The following DMD variants were observed in gnomAD, a reference collection of about 807,000 sequenced individuals.
DMD encodes mutant dystrophin.
Under a neutral mutation model 330.1 loss-of-function variants are expected in DMD, and 63 were observed. That is an observed-to-expected ratio of 0.19 (90% CI 0.16 to 0.24). The LOEUF is 0.24. Among genes scored for constraint, DMD ranks in the 10% least tolerant of loss-of-function variants. DMD has a pLI of 1.00. For missense variants in DMD, 3,344 were observed against 2,684.1 expected (o/e 1.25, Z -5.43); for synonymous variants, 1,223 against 959.8 (o/e 1.27, Z -5.07).
intron 12 of DMD, among the ~76,000 whole-genome samples, chrX:32,600,639 AAAC>A (rs1569284722): frequency 1.8e-5 from 2 of 108,308 alleles, no homozygotes; most frequent in African/African-American, 6.8e-5. Context: ...ACACCCCTAG[AAAC>A]AACACAGAAC....
intron 41 of DMD, among the ~76,000 whole-genome samples, chrX:32,314,229 C>G (rs1179145310): frequency 9.0e-6 from 1 of 111,573 alleles, no homozygotes; most frequent in Non-Finnish European, 1.9e-5. Flanking sequence ...ACAGAGGCCT[C>G]AGAAATATCA....
intron 55 of DMD, among the ~76,000 whole-genome samples, chrX:31,586,927 C>A (rs1360842164): frequency 8.9e-6 from 1 of 111,755 alleles, no homozygotes; most frequent in African/African-American, 3.2e-5. Flanking sequence ...TTTGCAATTA[C>A]AAAAGAAATG....
rs1164455432 is a variant in DMD, at chrX:31,469,266, T to C, written c.8937+8840A>G. On this transcript the variant is annotated intron_variant, in intron 59 of 78. Coordinates refer to ENST00000357033, the MANE Select transcript of DMD (RefSeq NM_004006.3). ...TTGATGCAGTTTCTTCATAGTGTGA[T>C]GGTCTTTACAATTTGTTATGTTTTT... Among the ~76,000 whole-genome samples, 3 of 111,843 alleles carry C rather than the reference T, an allele frequency of 2.7e-5. No homozygotes were observed. The Admixed American group carries it at 2.8e-4, about 11-fold the overall frequency.
At chrX:32,135,481 G>A (rs11095223) in intron 44 of DMD, among the ~76,000 whole-genome samples, 19,315 of 111,749 alleles carry the variant, frequency 0.17, 1,613 homozygotes, top group Admixed American at 0.35. Context: ...CTGTAATCTC[G>A]GCATTTTGGG....
chrX:31,814,309 G>A (rs1191218573), intron 50 of DMD, among the ~76,000 whole-genome samples: 6 of 106,092 alleles, frequency 5.7e-5, no homozygotes, highest in Non-Finnish European at 7.7e-5. Flanking sequence ...GTGAAACCCC[G>A]TCTCTACTAA....
chrX:32,051,711 C>T (rs1292411236), intron 44 of DMD, among the ~76,000 whole-genome samples: 1 of 111,015 alleles, frequency 9.0e-6, no homozygotes, highest in Non-Finnish European at 1.9e-5. Context: ...TGCTTATTCA[C>T]ATAATCAAGG....
At position 32,194,882 on chromosome X, in the gene DMD, A is replaced by G. The variant is rs779315863; in HGVS notation, c.6438+22034T>C. On this transcript the variant is annotated intron_variant, in intron 44 of 78. Transcript: ENST00000357033. ...TAAAGAGTTGGGTGTTCATCCTAAT[A>G]AGATAAATCCATGAGGGCCTTAAGC... Among the ~76,000 whole-genome samples the G allele has an allele frequency of 2.8e-4, 31 of 111,778 alleles. 1 individual carries two copies. Among genetic ancestry groups the G allele is most frequent in the African/African-American group, 9.4e-4 (29 of 30,820 alleles).
intron 74 of DMD, among the ~76,000 whole-genome samples, chrX:31,164,729 G>C (rs927355315): frequency 2.7e-5 from 3 of 110,815 alleles, no homozygotes; most frequent in Non-Finnish European, 5.7e-5. Context: ...AGCTGCCTGT[G>C]TGGCGTATAT....
intron 44 of DMD, among the ~76,000 whole-genome samples, chrX:32,088,381 G>T (rs1361087386): frequency 1.8e-5 from 2 of 109,737 alleles, no homozygotes; most frequent in Non-Finnish European, 3.8e-5. Flanking sequence ...GTGGAACCTG[G>T]AAAGTAATCT....
chrX:32,615,502 C>T (rs1602180666), intron 11 of DMD, among the ~76,000 whole-genome samples: 1 of 111,530 alleles, frequency 9.0e-6, no homozygotes, highest in East Asian at 2.8e-4. Context: ...ATGAGAAGTG[C>T]TGATGGTTAT....
intron 54 of DMD, among the ~76,000 whole-genome samples, chrX:31,651,044 G>A (rs1475729311): frequency 3.6e-5 from 4 of 112,107 alleles, no homozygotes; most frequent in Non-Finnish European, 5.6e-5. Flanking sequence ...AATTTTTGAA[G>A]TAGAATTCAC....
chrX:32,755,223 G>A (rs1350556254), intron 7 of DMD, among the ~76,000 whole-genome samples: 1 of 109,840 alleles, frequency 9.1e-6, no homozygotes, highest in Admixed American at 9.9e-5. Flanking sequence ...TTTTGTATGG[G>A]TGAATGAGTA....
At chrX:33,268,777 AT>A (rs764362148) in intron 1 of DMD, among the ~76,000 whole-genome samples, 1 of 110,117 alleles carries the variant, frequency 9.1e-6, no homozygotes, top group African/African-American at 3.3e-5. Context: ...AAATACAAAA[AT>A]TAGCTGGGTG....
intron 62 of DMD, chrX:31,261,824 C>G (rs1033854451): frequency 3.6e-5 from 4 of 112,191 alleles, no homozygotes; most frequent in Non-Finnish European, 7.5e-5. Context: ...TACTTTGGCC[C>G]ATCTACATAA....
chrX:31,880,097 A>G (rs2125355), intron 47 of DMD, among the ~76,000 whole-genome samples: 6,626 of 111,615 alleles, frequency 0.059, 476 homozygotes, highest in African/African-American at 0.2. Context: ...TTTCAAATGT[A>G]TATGTTTTAA....
chrX:31,823,920 A>G (rs759824721), intron 49 of DMD, among the ~76,000 whole-genome samples: 5 of 111,695 alleles, frequency 4.5e-5, no homozygotes, highest in Non-Finnish European at 7.5e-5. Context: ...TTAAAAAGTA[A>G]TCTCATAGAC....
chrX:33,115,573 G>C (rs769261295), intron 1 of DMD, among the ~76,000 whole-genome samples: 1 of 107,607 alleles, frequency 9.3e-6, no homozygotes, highest in African/African-American at 3.4e-5. Flanking sequence ...GCTCAGTGGC[G>C]TGGTCTCGGC....
intron 43 of DMD, among the ~76,000 whole-genome samples, chrX:32,227,574 T>TG (rs1214855212): frequency 9.3e-6 from 1 of 107,539 alleles, no homozygotes; most frequent in African/African-American, 3.4e-5. Context: ...GAGGGTGGGA[T>TG]GGGGGCGAAG....
intron 43 of DMD, among the ~76,000 whole-genome samples, chrX:32,279,632 T>C (rs771231648): frequency 2.3e-4 from 21 of 89,715 alleles, no homozygotes; most frequent in African/African-American, 5.8e-4. Flanking sequence ...CACTTGGAGA[T>C]AGAGGGTGGA....
Sources: gnomAD v4.1 joint callset for allele counts (sites outside exome capture counted in the v4.1 genomes callset) on GRCh38, gnomAD v4.1.1 for gene constraint, MANE v1.5 for transcripts, NCBI Gene and HGNC (gene_info 2026-07-23, HGNC 2026-07-21) for gene names.